Variants in ZP3 observed in about 807,000 individuals in gnomAD.
The protein encoded by ZP3 is zona pellucida glycoprotein 3, also known as zona pellucida sperm-binding protein 3.
Under a neutral mutation model 35.6 loss-of-function variants are expected in ZP3, and 21 were observed. That is an observed-to-expected ratio of 0.59 (90% CI 0.42 to 0.85). The LOEUF (loss-of-function observed/expected upper bound fraction) is 0.85, where lower values mean the gene tolerates loss of function less well. ZP3 is among the 40% of genes least tolerant of loss of function. The pLI, the probability that ZP3 is intolerant of heterozygous loss-of-function variation, is 0.00. For missense variants in ZP3, 437 were observed against 536.5 expected (o/e 0.81, Z 1.83); for synonymous variants, 207 against 214.5 (o/e 0.96, Z 0.31).
intron 1 of ZP3, among the ~76,000 whole-genome samples, chr7:76,415,075 A>G (rs979723715): frequency 5.3e-5 from 8 of 151,556 alleles, no homozygotes; most frequent in African/African-American, 1.9e-4. Context: ...CGATATAGGC[A>G]TTAAAAGGTC....
At chr7:76,431,807 G>A (rs557872731) in intron 2 of ZP3, among the ~76,000 whole-genome samples, 11 of 151,940 alleles carry the variant, frequency 7.2e-5, no homozygotes, top group African/African-American at 2.2e-4. Context: ...GCTGAGGCAG[G>A]AGAATGGCGT....
intron 1 of ZP3, among the ~76,000 whole-genome samples, chr7:76,426,130 G>A (rs570764746): frequency 1.3e-5 from 2 of 152,016 alleles, no homozygotes; most frequent in Non-Finnish European, 1.5e-5. Flanking sequence ...GGGGGCGGGG[G>A]CATCATAACC....
Position 76,425,245 on chromosome 7 carries a change from T to A in ZP3, c.281T>A (p.Val94Asp), listed in dbSNP as rs758504443. Residue 94 changes from valine to aspartate, a missense_variant, in exon 1 of 8, where the codon GTT becomes GAT. By Grantham distance (152) the Val-to-Asp change is radical. Around this residue, in one of 6 missense-constraint regions of ZP3, gnomAD observed 352 missense variants for 308.4 expected, o/e 1.14. Coordinates refer to ENST00000394857, the MANE Select transcript of ZP3 (RefSeq NM_001110354.2). ...ACAGAAGATGTGGTCAGGTTTGAGG[T>A]TGGACTCCACGAGTGTGGCAACAGC... ...MDTEDVVRFE[V>D]GLHECGNSMQ... 1.9e-6 allele frequency: 3 copies of A among 1,612,226 alleles called. No individual in the cohort carries two copies. The African/African-American group carries it at 4.0e-5, about 22-fold the overall frequency.
At chr7:76,428,289 C>T (rs1432546769) in intron 1 of ZP3, among the ~76,000 whole-genome samples, 1 of 152,068 alleles carries the variant, frequency 6.6e-6, no homozygotes, top group Admixed American at 6.6e-5. Context: ...CCACTGCACT[C>T]CAGCCTGGGT....
At chr7:76,412,846 T>TCTCAGAAAGAA (rs1342434969) in intron 1 of ZP3, among the ~76,000 whole-genome samples, 1 of 149,166 alleles carries the variant, frequency 6.7e-6, no homozygotes, top group South Asian at 2.1e-4. Flanking sequence ...CAAAACTCCG[T>TCTCAGAAAGAA]CTCAGAAAGA....
intron 1 of ZP3, among the ~76,000 whole-genome samples, chr7:76,410,720 C>A: frequency 6.6e-6 from 1 of 151,828 alleles, no homozygotes. Context: ...ATGTACCAGG[C>A]GAGGTGGCTC....
At chr7:76,430,237 C>T (rs570403324) in intron 2 of ZP3, among the ~76,000 whole-genome samples, 14 of 152,246 alleles carry the variant, frequency 9.2e-5, no homozygotes, top group African/African-American at 3.4e-4. Context: ...TAGTGCTAGG[C>T]TGCGTTCTAG....
rs977138723 is a variant in ZP3 at position 76,410,999 on chromosome 7, G to GA, written c.-67+13220dup. On this transcript the variant is annotated intron_variant, in intron 1 of 8. Transcript: ENST00000336517. ...AACAGAGCAAGACTCCATCTCAAAA[G>GA]AAAAAAAAAAAAAAAAAAGAAAAGA... 3.8e-3 allele frequency among the ~76,000 whole-genome samples: 301 copies of GA among 80,266 alleles called. 2 individuals carry two copies. The highest frequency in any genetic ancestry group is 4.4e-3 in the Non-Finnish European group (165 of 37,122). 52.7% of individuals were successfully genotyped at this position (80,266 alleles called of 152,430 possible). A position where few individuals can be genotyped will look rare whatever the true frequency, so the allele number is the denominator to read the frequency against.
At chr7:76,405,584 A>G (rs1804999943) in intron 1 of ZP3, among the ~76,000 whole-genome samples, 2 of 151,632 alleles carry the variant, frequency 1.3e-5, no homozygotes, top group Non-Finnish European at 2.9e-5. Flanking sequence ...GGCTGCAGGA[A>G]AAAGAAAAAA....
intron 5 of ZP3, among the ~76,000 whole-genome samples, chr7:76,436,494 T>TTAAG (rs1304375089): frequency 6.6e-6 from 1 of 152,246 alleles, no homozygotes; most frequent in Non-Finnish European, 1.5e-5. Flanking sequence ...CAGGGTGGCA[T>TTAAG]TAAGGGACAA....
At chr7:76,435,790 G>A (rs1363429199) in intron 5 of ZP3, among the ~76,000 whole-genome samples, 1 of 149,386 alleles carries the variant, frequency 6.7e-6, no homozygotes, top group Non-Finnish European at 1.5e-5. Context: ...ATGCAATGGT[G>A]CGGTCTTGGC....
intron 5 of ZP3, among the ~76,000 whole-genome samples, chr7:76,434,637 CAAAAA>C (rs3972767): frequency 1.0e-5 from 1 of 97,554 alleles, no homozygotes; most frequent in East Asian, 3.3e-4. Flanking sequence ...ACTCCATCTC[CAAAAA>C]AAAAAAAAAA....
intron 1 of ZP3, among the ~76,000 whole-genome samples, chr7:76,408,391 G>A (rs1351628594): frequency 6.6e-6 from 1 of 152,130 alleles, no homozygotes; most frequent in Non-Finnish European, 1.5e-5. Flanking sequence ...ACCATGAGGA[G>A]GGGGAAAGAC....
At chr7:76,433,072 G>A in intron 3 of ZP3, 42 bp downstream of exon 3, 1 of 1,513,792 alleles carries the variant, frequency 6.6e-7, no homozygotes, top group Non-Finnish European at 9.0e-7. Context: ...GGAAAGACCT[G>A]GGCCATCTCA....
intron 1 of ZP3, chr7:76,397,907 G>T: frequency 7.1e-7 from 1 of 1,406,732 alleles, no homozygotes. Flanking sequence ...GGGCAGCCCG[G>T]TGTCCCAGGA....
At chr7:76,418,884 A>G (rs1330588234) in intron 1 of ZP3, among the ~76,000 whole-genome samples, 1 of 152,050 alleles carries the variant, frequency 6.6e-6, no homozygotes, top group East Asian at 1.9e-4. Flanking sequence ...ATAATAACAC[A>G]TCTTTGCATT....
At chr7:76,413,648 C>A (rs751600338) in intron 1 of ZP3, among the ~76,000 whole-genome samples, 2 of 151,606 alleles carry the variant, frequency 1.3e-5, no homozygotes, top group African/African-American at 4.9e-5. Flanking sequence ...AACAACAAAA[C>A]AGACTAATAT....
chr7:76,418,061 C>A (rs1165676958), intron 1 of ZP3, among the ~76,000 whole-genome samples: 1 of 151,586 alleles, frequency 6.6e-6, no homozygotes, highest in Non-Finnish European at 1.5e-5. Flanking sequence ...CCTCAGCCTC[C>A]CAAGTATTTG....
intron 1 of ZP3, among the ~76,000 whole-genome samples, chr7:76,418,720 G>A (rs1222655725): frequency 3.9e-5 from 6 of 151,946 alleles, no homozygotes; most frequent in African/African-American, 4.8e-5. Context: ...GCCGGGCGTG[G>A]TGGCAGGCGC....
Sources: gnomAD v4.1 joint callset for allele counts (sites outside exome capture counted in the v4.1 genomes callset) on GRCh38, gnomAD v4.1.1 for gene constraint, gnomAD v4.1.1 regional missense constraint, MANE v1.5 for transcripts, NCBI Gene and HGNC (gene_info 2026-07-23, HGNC 2026-07-21) for gene names.